The following DCST2 variants were observed in gnomAD, a reference collection of about 807,000 sequenced individuals.
DCST2 encodes the protein DC-STAMP domain-containing protein 2.
In DCST2, 64 loss-of-function variants were observed where a neutral mutation model predicts 81.8. The ratio of observed to expected loss-of-function variants is 0.78; its 90% CI spans 0.64 to 0.96. The LOEUF is 0.96. Among genes scored for constraint, DCST2 ranks in the 40% least tolerant of loss-of-function variants. The pLI, the probability that DCST2 is intolerant of heterozygous loss-of-function variation, is 0.00. For missense variants in DCST2, 945 were observed against 1,001.4 expected, an observed-to-expected ratio of 0.94 and a Z score of 0.76; for synonymous variants, 354 against 402.6, an observed-to-expected ratio of 0.88 and a Z score of 1.44.
intron 14 of DCST2, among the ~76,000 whole-genome samples, chr1:155,019,914 C>T (rs887504862): frequency 6.6e-6 from 1 of 152,232 alleles, no homozygotes; most frequent in Admixed American, 6.5e-5. Flanking sequence ...TCAACCTCTA[C>T]CACCCACTCC....
intron 14 of DCST2, among the ~76,000 whole-genome samples, chr1:155,019,077 C>T (rs1659667141): frequency 6.6e-6 from 1 of 152,132 alleles, no homozygotes; most frequent in South Asian, 2.1e-4. Flanking sequence ...TTTCACTGGG[C>T]CCTCTAGAAC....
chr1:155,030,145 C>T lies in DCST2; in HGVS notation c.1116G>A (p.Thr372=), dbSNP rs150211037. The T allele has an allele frequency of 4.8e-4, 773 of 1,614,158 alleles. 1 individual carries two copies. Among genetic ancestry groups the T allele is most frequent in the South Asian group, 1.2e-3 (111 of 91,082 alleles). ...RFLRMEAVRS[T]AGLPTVLPLS... is the part of the protein sequence containing the mutation. Reference sequence around the variant, plus strand: ...GCGGTAGCACTGTGGGCAGCCCTGCCGTGGAGCGCACAGCCTCCATGCGCA... The same window carrying T: ...GCGGTAGCACTGTGGGCAGCCCTGCTGTGGAGCGCACAGCCTCCATGCGCA... Residue 372 remains threonine, a synonymous_variant, in exon 7 of 15, where the codon ACG becomes ACA. Coordinates refer to ENST00000368424, the MANE Select transcript of DCST2 (RefSeq NM_144622.3).
chr1:155,023,435 G>A lies in DCST2; in HGVS notation c.1893C>T (p.Phe631=), dbSNP rs1415447567. 5 of 1,600,760 alleles carry A rather than the reference G, an allele frequency of 3.1e-6. No homozygotes were observed. Among genetic ancestry groups the A allele is most frequent in the Non-Finnish European group, 4.3e-6 (5 of 1,173,546 alleles). The change falls in exon 13 of 15, where the codon TTC becomes TTT. Residue 631 remains phenylalanine, a synonymous_variant. Coordinates refer to ENST00000368424, the MANE Select transcript of DCST2 (RefSeq NM_144622.3). ...CGGAGCAGGTATTGTCCAGGAGGCG[G>A]AAGCAAGTGAGGCAGTAGAGACCTG... ...GCQGLYCLTC[F]RLLDNTCSVC... is the part of the protein sequence containing the mutation.
chr1:155,026,152 G>A (rs1411096039), intron 10 of DCST2, 150 bp downstream of exon 10: 15 of 697,664 alleles, frequency 2.2e-5, no homozygotes, highest in Non-Finnish European at 3.4e-5. Flanking sequence ...CCAGAGGCTT[G>A]CAGTCCAGGT....
chr1:155,026,753 GTTGCTATGCAGAAA>G (rs1486106810), intron 8 of DCST2, 38 bp from the exon 9 acceptor site: 10 of 1,610,380 alleles, frequency 6.2e-6, no homozygotes, highest in Non-Finnish European at 8.5e-6. Flanking sequence ...ACTCATGGCA[GTTGCTATGCAGAAA>G]ACCCCACACC....
At chr1:155,033,376 T>A in intron 1 of DCST2, 58 bp downstream of exon 1, 1 of 1,593,966 alleles carries the variant, frequency 6.3e-7, no homozygotes, top group Non-Finnish European at 8.6e-7. Flanking sequence ...CTCCAGCATC[T>A]CTTCTGCCCC....
intron 14 of DCST2, among the ~76,000 whole-genome samples, chr1:155,019,996 A>C (rs905830587): frequency 6.6e-6 from 1 of 152,068 alleles, no homozygotes; most frequent in Non-Finnish European, 1.5e-5. Context: ...CTACTCCCCA[A>C]AGAGAAGCGA....
chr1:155,020,863 C>G (rs1361885448), intron 14 of DCST2, among the ~76,000 whole-genome samples: 1 of 151,752 alleles, frequency 6.6e-6, no homozygotes, highest in Non-Finnish European at 1.5e-5. Flanking sequence ...TGTACTATTG[C>G]CCAGGCTGGA....
At chr1:155,031,380 G>T (rs1015509524) in intron 4 of DCST2, 146 bp from the exon 5 acceptor site, 1 of 1,044,334 alleles carries the variant, frequency 9.6e-7, no homozygotes, top group Non-Finnish European at 1.4e-6. Context: ...CCTCCCTGTC[G>T]CCCTTCTCTC....
At position 155,033,279 on chromosome 1, in the gene DCST2, T is replaced by C; in HGVS notation, c.269-15A>G. 1.2e-6 allele frequency: 2 copies of C among 1,603,552 alleles called. No homozygotes were observed. The highest frequency in any genetic ancestry group is 8.5e-7 in the Non-Finnish European group (1 of 1,175,898). On this transcript the variant is annotated splice_polypyrimidine_tract_variant and intron_variant, in intron 1 of 14. Coordinates refer to ENST00000368424, the MANE Select transcript of DCST2 (RefSeq NM_144622.3). ...CCGGCCCTGCCCTGGGGGCGACAGC[T>C]TTGTTAGAACCAAGACCCCAGCCCC...
At chr1:155,022,878 AG>A (rs992388427) in intron 14 of DCST2, among the ~76,000 whole-genome samples, 6 of 152,134 alleles carry the variant, frequency 3.9e-5, no homozygotes, top group Admixed American at 3.9e-4. Flanking sequence ...CTCCTTTATC[AG>A]GGTGCTGTCC....
rs537537020 is a variant in DCST2, at chr1:155,024,628, G to A, written c.1612-26C>T. The A allele has an allele frequency of 5.9e-5, 93 of 1,568,698 alleles. No individual in the cohort carries two copies. The South Asian group carries it at 1.1e-3, about 18-fold the overall frequency. On this transcript the variant is annotated intron_variant, in intron 10 of 14. Coordinates refer to ENST00000368424, the MANE Select transcript of DCST2 (RefSeq NM_144622.3). ...CTGGTGCGGGGAGATCAGGGATGGG[G>A]TCCCACTTGACCCTGTTTTGTCTGC...
chr1:155,032,553 G>C (rs1186617201), intron 3 of DCST2, 114 bp downstream of exon 3: 1 of 782,830 alleles, frequency 1.3e-6, no homozygotes, highest in South Asian at 1.6e-5. Context: ...CTGGGCTCAA[G>C]TGATTCTCCC....
intron 11 of DCST2, 87 bp from the exon 12 acceptor site, chr1:155,024,046 G>GGACTTCCT: frequency 6.6e-7 from 1 of 1,517,140 alleles, no homozygotes; most frequent in Non-Finnish European, 8.9e-7. Flanking sequence ...ATGGCAGGGA[G>GGACTTCCT]GACTTCCTGA....
chr1:155,031,515 T>TTCCCCCCCCC lies in DCST2; in HGVS notation c.739+58_739+59insGGGGGGGGGA. 4 of 643,122 alleles carry TTCCCCCCCCC rather than the reference T, an allele frequency of 6.2e-6. 1 individual carries two copies. Among genetic ancestry groups the TTCCCCCCCCC allele is most frequent in the Non-Finnish European group, 8.7e-6 (3 of 343,056 alleles). 39.8% of individuals were successfully genotyped at this position (643,122 alleles called of 1,614,324 possible). Reference sequence around the variant, plus strand: ...CTGCCCTCCCAACTGACCCCCACATTCCCACCCCACCCCACCCCACATCGG... The same window carrying TTCCCCCCCCC: ...CTGCCCTCCCAACTGACCCCCACATTTCCCCCCCCCCCCACCCCACCCCACCCCACATCGG... On this transcript the variant is annotated intron_variant, in intron 4 of 14. Coordinates refer to ENST00000368424, the MANE Select transcript of DCST2 (RefSeq NM_144622.3).
At chr1:155,027,179 C>T (rs956729145) in intron 8 of DCST2, among the ~76,000 whole-genome samples, 10 of 149,744 alleles carry the variant, frequency 6.7e-5, no homozygotes, top group Non-Finnish European at 3.0e-5. Flanking sequence ...ACTATAGGCA[C>T]GTGCCACCAC....
chr1:155,027,984 G>T (rs1659960257), intron 8 of DCST2, among the ~76,000 whole-genome samples: 1 of 151,572 alleles, frequency 6.6e-6, no homozygotes, highest in South Asian at 2.1e-4. Context: ...GAGTGCAGTG[G>T]CAGGATCTCG....
At chr1:155,026,458 C>G in intron 9 of DCST2, 56 bp from the exon 10 acceptor site, 2 of 1,612,346 alleles carry the variant, frequency 1.2e-6, no homozygotes, top group South Asian at 2.2e-5. Flanking sequence ...GCCAGCCCAC[C>G]CCTGGCGCCC....
Position 155,026,391 on chromosome 1 carries a change from C to A in DCST2, c.1522G>T (p.Gly508Cys). The A allele has an allele frequency of 6.2e-7, 1 of 1,613,812 alleles. No homozygotes were observed. Among genetic ancestry groups the A allele is most frequent in the South Asian group, 1.1e-5 (1 of 91,080 alleles). Residue 508 changes from glycine to cysteine, a missense_variant, in exon 10 of 15, where the codon GGC becomes TGC. By Grantham distance (159) the Gly-to-Cys change is radical. Coordinates refer to ENST00000368424, the MANE Select transcript of DCST2 (RefSeq NM_144622.3). ...AACAGGGTGATGAAGAAGCATAGGC[C>A]ATACATGACGCCTGGGAGCACAGCA... is the stretch of plus-strand genomic sequence containing the variant. ...TGYIVIGVMY[G>C]LCFFITLFGS...
Sources: allele counts gnomAD v4.1 joint callset (sites outside exome capture counted in the v4.1 genomes callset), GRCh38; gene constraint gnomAD v4.1.1; transcripts MANE v1.5; gene names NCBI Gene and HGNC (gene_info 2026-07-23, HGNC 2026-07-21).